The following CCDC146 variants were observed in gnomAD, a reference collection of about 807,000 sequenced individuals.
CCDC146 encodes coiled-coil domain-containing protein 146.
Under a neutral mutation model 119.3 loss-of-function variants are expected in CCDC146, and 92 were observed. That is an observed-to-expected ratio of 0.77 (90% confidence interval 0.65 to 0.92). The LOEUF (loss-of-function observed/expected upper bound fraction) is 0.92, where lower values mean the gene tolerates loss of function less well. CCDC146 is among the 40% of genes least tolerant of loss of function. The pLI, the probability that CCDC146 is intolerant of heterozygous loss-of-function variation, is 0.00. For missense variants in CCDC146, 1,000 were observed against 1,103.0 expected (o/e 0.91, Z 1.32); for synonymous variants, 372 against 371.8 (o/e 1.00, Z -0.01).
chr7:77,194,570 G>T (rs561964700), intron 2 of CCDC146: 1 of 152,100 alleles, frequency 6.6e-6, no homozygotes, highest in African/African-American at 2.4e-5. Flanking sequence ...AAATAGTTCT[G>T]TAAGGGCCTA....
intron 2 of CCDC146, among the ~76,000 whole-genome samples, chr7:77,225,120 A>G (rs1792484787): frequency 6.6e-6 from 1 of 152,256 alleles, no homozygotes; most frequent in Admixed American, 6.5e-5. Context: ...AATAGCTAAC[A>G]CTGATTAAGA....
intron 2 of CCDC146, among the ~76,000 whole-genome samples, chr7:77,217,938 G>A (rs1343628130): frequency 6.6e-6 from 1 of 152,172 alleles, no homozygotes; most frequent in African/African-American, 2.4e-5. Context: ...TGCAGGACTG[G>A]AAGTTGCTCA....
chr7:77,193,265 C>G lies in CCDC146; in HGVS notation c.156+25441C>G, dbSNP rs1216559988. On this transcript the variant is annotated intron_variant, in intron 2 of 18. Transcript: ENST00000285871. The stretch of plus-strand genomic sequence containing the variant: ...ATGGTGTTCCTCTATTTGCCTCTGA[C>G]TTCTTGTTAATGAAATAGTACTCAT... The G allele has an allele frequency of 3.3e-5, 5 of 152,340 alleles. No homozygotes were observed. The East Asian group carries it at 9.6e-4, about 29-fold the overall frequency. The allele number at this position is 152,340 out of a possible 1,614,324, so 9.4% of individuals were successfully genotyped here. A position where few individuals can be genotyped will look rare whatever the true frequency, so the allele number is the denominator to read the frequency against.
chr7:77,270,465 A>G (rs531231969), intron 9 of CCDC146, among the ~76,000 whole-genome samples: 2 of 152,320 alleles, frequency 1.3e-5, no homozygotes, highest in East Asian at 3.9e-4. Flanking sequence ...TTGGGGCTCA[A>G]AAGAAATGGA....
chr7:77,263,125 A>G (rs1793333821), intron 9 of CCDC146, among the ~76,000 whole-genome samples: 1 of 152,172 alleles, frequency 6.6e-6, no homozygotes, highest in African/African-American at 2.4e-5. Context: ...GCTGTGGTAG[A>G]CACCTCTGAT....
chr7:77,192,330 C>G (rs1194589034), intron 2 of CCDC146, among the ~76,000 whole-genome samples: 2 of 152,092 alleles, frequency 1.3e-5, no homozygotes, highest in African/African-American at 4.8e-5. Flanking sequence ...TTGAAGGAAC[C>G]AAAGAACATT....
chr7:77,271,566 A>ATATATATC (rs1441030994), intron 9 of CCDC146, among the ~76,000 whole-genome samples: 6 of 73,764 alleles, frequency 8.1e-5, no homozygotes, highest in African/African-American at 2.3e-4. Context: ...ATATATATAT[A>ATATATATC]TATGGAGATA....
chr7:77,126,804 C>T (rs1158492954), intron 1 of CCDC146, among the ~76,000 whole-genome samples: 2 of 152,074 alleles, frequency 1.3e-5, no homozygotes, highest in African/African-American at 2.4e-5. Flanking sequence ...GCTGATTGGT[C>T]CATGGGCAGC....
At chr7:77,152,918 G>A (rs1354916254) in intron 1 of CCDC146, among the ~76,000 whole-genome samples, 1 of 152,208 alleles carries the variant, frequency 6.6e-6, no homozygotes, top group East Asian at 1.9e-4. Flanking sequence ...GACATGCATT[G>A]TCCAATTTAA....
At chr7:77,151,320 C>T (rs1791105671) in intron 1 of CCDC146, among the ~76,000 whole-genome samples, 1 of 152,056 alleles carries the variant, frequency 6.6e-6, no homozygotes, top group Non-Finnish European at 1.5e-5. Context: ...ACAACAGATT[C>T]TCTTTACATG....
At chr7:77,201,566 C>G (rs1291235379) in intron 2 of CCDC146, among the ~76,000 whole-genome samples, 2 of 150,636 alleles carry the variant, frequency 1.3e-5, no homozygotes, top group African/African-American at 2.4e-5. Flanking sequence ...CAGCCCCACC[C>G]CTCACAAAAA....
chr7:77,226,323 A>G (rs1792513191), intron 2 of CCDC146, among the ~76,000 whole-genome samples: 1 of 152,226 alleles, frequency 6.6e-6, no homozygotes, highest in African/African-American at 2.4e-5. Flanking sequence ...CCCACTAGGT[A>G]ATGTCAAAGA....
chr7:77,264,550 G>A (rs1049915911), intron 9 of CCDC146, among the ~76,000 whole-genome samples: 1 of 152,202 alleles, frequency 6.6e-6, no homozygotes, highest in Non-Finnish European at 1.5e-5. Context: ...GCGAGCCACC[G>A]CACCCAGCCC....
At chr7:77,231,382 A>G (rs973980633) in intron 2 of CCDC146, among the ~76,000 whole-genome samples, 2 of 152,326 alleles carry the variant, frequency 1.3e-5, no homozygotes, top group East Asian at 1.9e-4. Flanking sequence ...GCTAAGATCT[A>G]CAGTAAGAAC....
chr7:77,177,039 T>G (rs1307901659), intron 2 of CCDC146, among the ~76,000 whole-genome samples: 1 of 151,932 alleles, frequency 6.6e-6, no homozygotes, highest in African/African-American at 2.4e-5. Flanking sequence ...TTTCACCATG[T>G]TGTCCAGGCT....
intron 2 of CCDC146, among the ~76,000 whole-genome samples, chr7:77,208,687 C>T (rs3114366): frequency 0.068 from 10,377 of 152,220 alleles, 523 homozygotes; most frequent in Non-Finnish European, 0.094. Flanking sequence ...TCCCTAACTA[C>T]TGCCACTCCA....
At chr7:77,230,905 A>G (rs1451117581) in intron 2 of CCDC146, among the ~76,000 whole-genome samples, 2 of 152,010 alleles carry the variant, frequency 1.3e-5, no homozygotes, top group African/African-American at 4.8e-5. Context: ...TCTCTCTGTT[A>G]TTCAAATTAT....
Position 77,293,001 on chromosome 7 carries a change from C to T in CCDC146, c.2465C>T (p.Ala822Val). The change falls in exon 18 of 19, where the codon GCT becomes GTT. Residue 822 changes from alanine to valine, a missense_variant. Ala to Val is a moderately conservative substitution (Grantham distance 64). Around this residue, in one of 2 missense-constraint regions of CCDC146, gnomAD observed 985 missense variants for 1,045.3 expected, o/e 0.94. Transcript: ENST00000285871. Reference protein sequence around the residue: ...RIKNATEKMMALVAELSMKQA... With the variant: ...RIKNATEKMMVLVAELSMKQA... ...AAAAATGCAACTGAGAAAATGATGG[C>T]TCTTGTTGCTGAGCTGTCCATGAAA... is the stretch of plus-strand genomic sequence containing the variant. 6.2e-7 allele frequency: 1 copy of T among 1,613,944 alleles called. No homozygotes were observed. Among genetic ancestry groups the T allele is most frequent in the Middle Eastern group, 1.7e-4 (1 of 6,060 alleles).
intron 3 of CCDC146, among the ~76,000 whole-genome samples, chr7:77,238,532 T>G (rs1428984399): frequency 6.6e-6 from 1 of 152,118 alleles, no homozygotes; most frequent in Non-Finnish European, 1.5e-5. Flanking sequence ...TTCTCCTGCC[T>G]CAGACTCTTG....
Sources: gnomAD v4.1 joint callset for allele counts (sites outside exome capture counted in the v4.1 genomes callset) on GRCh38, gnomAD v4.1.1 for gene constraint, gnomAD v4.1.1 regional missense constraint, MANE v1.5 for transcripts, NCBI Gene and HGNC (gene_info 2026-07-23, HGNC 2026-07-21) for gene names.